THSD7B: variants seen among roughly 807,000 people sequenced by gnomAD.
The protein encoded by THSD7B is thrombospondin type 1 domain containing 7B, also known as thrombospondin type-1 domain-containing protein 7B.
A neutral mutation model predicts 213.6 loss-of-function variants in THSD7B; 138 were observed. The observed-to-expected ratio is 0.65, with a 90% CI of 0.56 to 0.74. The LOEUF is 0.74. THSD7B is among the 30% of genes least tolerant of loss of function. THSD7B has a pLI of 0.00. For missense variants in THSD7B, 1,931 were observed against 1,991.5 expected, an observed-to-expected ratio of 0.97 and a Z score of 0.58; for synonymous variants, 742 against 687.0, an observed-to-expected ratio of 1.08 and a Z score of -1.25.
intron 21 of THSD7B, among the ~76,000 whole-genome samples, chr2:137,643,325 AC>A (rs1311151112): frequency 2.6e-5 from 4 of 152,208 alleles, no homozygotes; most frequent in African/African-American, 9.6e-5. Flanking sequence ...TCCAAAGCAT[AC>A]TTTAATTAGG....
intron 2 of THSD7B, among the ~76,000 whole-genome samples, chr2:136,924,815 C>T (rs1283484376): frequency 6.6e-6 from 1 of 152,078 alleles, no homozygotes; most frequent in Non-Finnish European, 1.5e-5. Flanking sequence ...CATGGCATGC[C>T]TTTCCATTTA....
intron 1 of THSD7B, among the ~76,000 whole-genome samples, chr2:136,863,668 A>G (rs1683288523): frequency 6.6e-6 from 1 of 152,154 alleles, no homozygotes; most frequent in South Asian, 2.1e-4. Flanking sequence ...GTTGCAATGT[A>G]TTTTGGTTGG....
chr2:137,549,173 C>T (rs1303279741), intron 15 of THSD7B, among the ~76,000 whole-genome samples: 2 of 152,040 alleles, frequency 1.3e-5, no homozygotes, highest in African/African-American at 4.8e-5. Context: ...CTTTCTGATT[C>T]ACTTCACCTT....
intron 12 of THSD7B, among the ~76,000 whole-genome samples, chr2:137,314,033 C>T (rs1466194776): frequency 6.6e-6 from 1 of 152,210 alleles, no homozygotes; most frequent in East Asian, 1.9e-4. Context: ...CTCTGTATTT[C>T]CTGAATCTGA....
intron 14 of THSD7B, among the ~76,000 whole-genome samples, chr2:137,425,851 G>A (rs1177718831): frequency 6.6e-6 from 1 of 152,032 alleles, no homozygotes; most frequent in Admixed American, 6.6e-5. Context: ...AATGATGCAA[G>A]CAAATAAGTT....
intron 15 of THSD7B, among the ~76,000 whole-genome samples, chr2:137,476,680 C>T (rs1371428227): frequency 6.6e-6 from 1 of 152,114 alleles, no homozygotes; most frequent in Non-Finnish European, 1.5e-5. Context: ...AAGGGATTCC[C>T]TTGCCTCAGC....
chr2:137,252,276 A>AAAC (rs1553482938), intron 10 of THSD7B, among the ~76,000 whole-genome samples: 1 of 150,828 alleles, frequency 6.6e-6, no homozygotes, highest in African/African-American at 2.4e-5. Context: ...CAAAAAAAAA[A>AAAC]AAAAAAAAAA....
At chr2:137,370,707 G>A (rs1364281008) in intron 12 of THSD7B, among the ~76,000 whole-genome samples, 3 of 151,932 alleles carry the variant, frequency 2.0e-5, no homozygotes, top group South Asian at 2.1e-4. Context: ...GACCTCAAGC[G>A]ATCCACCTGC....
chr2:137,095,119 C>G lies in THSD7B; in HGVS notation c.1197C>G (p.Pro399=), dbSNP rs1207942268. ...IVEGELLQQC[P]RYSWRTSEWK... The stretch of plus-strand genomic sequence containing the variant: ...AAGGAGAACTTCTGCAGCAATGTCC[C>G]AGGTATTACGCCTTTATGCCTTCTT... The change falls in exon 4 of 28, where the codon CCC becomes CCG. Residue 399 remains proline, a splice_region_variant and synonymous_variant. Coordinates refer to ENST00000409968, the MANE Select transcript of THSD7B (RefSeq NM_001316349.2). The G allele has an allele frequency of 6.2e-7, 1 of 1,613,740 alleles. No homozygotes were observed. Among genetic ancestry groups the G allele is most frequent in the Admixed American group, 1.7e-5 (1 of 59,952 alleles).
intron 12 of THSD7B, among the ~76,000 whole-genome samples, chr2:137,309,658 C>T (rs1027198514): frequency 1.3e-5 from 2 of 151,948 alleles, no homozygotes; most frequent in Admixed American, 6.6e-5. Flanking sequence ...CCTACCCCTA[C>T]CCCCACCCCA....
At chr2:137,076,873 G>A (rs1301963651) in intron 3 of THSD7B, among the ~76,000 whole-genome samples, 1 of 151,868 alleles carries the variant, frequency 6.6e-6, no homozygotes, top group Non-Finnish European at 1.5e-5. Flanking sequence ...TGTGCACAAT[G>A]TGCATATTAG....
chr2:136,968,414 T>C (rs529742473), intron 2 of THSD7B, among the ~76,000 whole-genome samples: 1 of 152,264 alleles, frequency 6.6e-6, no homozygotes, highest in African/African-American at 2.4e-5. Flanking sequence ...GGATTTCCTT[T>C]TGTTGAATGT....
At chr2:137,430,599 C>G (rs1687155965) in intron 14 of THSD7B, among the ~76,000 whole-genome samples, 1 of 152,396 alleles carries the variant, frequency 6.6e-6, no homozygotes, top group South Asian at 2.1e-4. Flanking sequence ...TTACCTTTCT[C>G]TCTCTCAGTG....
intron 12 of THSD7B, among the ~76,000 whole-genome samples, chr2:137,276,273 T>C (rs900173434): frequency 1.3e-5 from 2 of 152,064 alleles, no homozygotes; most frequent in African/African-American, 4.8e-5. Context: ...TTCTCGGTCA[T>C]AGTGTAGCCC....
At position 137,056,116 on chromosome 2, in the gene THSD7B, T is replaced by G. The variant is rs550957960; in HGVS notation, c.140-304T>G. 2.0e-5 allele frequency among the ~76,000 whole-genome samples: 3 copies of G among 152,334 alleles called. No homozygotes were observed. The East Asian group carries it at 5.8e-4, about 29-fold the overall frequency. ...TTTGTATTGTCTACTTGACACATTG[T>G]ATCATTTATCTTCAGAGCAATTCTA... On this transcript the variant is annotated intron_variant, in intron 2 of 27. Transcript: ENST00000409968.
chr2:136,933,725 C>A (rs1426028838), intron 2 of THSD7B, among the ~76,000 whole-genome samples: 1 of 151,842 alleles, frequency 6.6e-6, no homozygotes, highest in Non-Finnish European at 1.5e-5. Context: ...GTTCCCTGTC[C>A]CCCCATCCTT....
chr2:136,778,334 A>C (rs1681652217), intron 1 of THSD7B, among the ~76,000 whole-genome samples: 1 of 152,178 alleles, frequency 6.6e-6, no homozygotes, highest in East Asian at 1.9e-4. Context: ...TGGCAGCTAC[A>C]CTTGTCCCTA....
At chr2:137,543,680 C>T (rs1258293680) in intron 15 of THSD7B, among the ~76,000 whole-genome samples, 1 of 151,724 alleles carries the variant, frequency 6.6e-6, no homozygotes, top group African/African-American at 2.4e-5. Flanking sequence ...TGAAGGCAAT[C>T]CACAGAATGG....
chr2:137,300,919 A>T (rs1394027421), intron 12 of THSD7B, among the ~76,000 whole-genome samples: 2 of 152,094 alleles, frequency 1.3e-5, no homozygotes, highest in Non-Finnish European at 2.9e-5. Flanking sequence ...ATGTGGGGAA[A>T]AATGGAAGCT....
Sources: gnomAD v4.1 joint callset for allele counts (sites outside exome capture counted in the v4.1 genomes callset) on GRCh38, gnomAD v4.1.1 for gene constraint, MANE v1.5 for transcripts, NCBI Gene and HGNC (gene_info 2026-07-23, HGNC 2026-07-21) for gene names.